EPHA10: variants seen among roughly 807,000 people sequenced by gnomAD.
EPHA10 encodes ephrin type-A receptor 10.
A neutral mutation model predicts 109.7 loss-of-function variants in EPHA10; 120 were observed. That is an observed-to-expected ratio of 1.09 (90% CI 0.94 to 1.27). The LOEUF (loss-of-function observed/expected upper bound fraction) is 1.27, where lower values mean the gene tolerates loss of function less well. Ranked by LOEUF, EPHA10 falls within the 50% of genes most tolerant of loss-of-function variation. The probability of loss-of-function intolerance (pLI) is 0.00; values close to 1 mark genes in which losing one functional copy is unlikely to be tolerated. For synonymous variants in EPHA10, 640 were observed against 618.9 expected (o/e 1.03, Z -0.51); for missense variants, 1,396 against 1,411.1 (o/e 0.99, Z 0.17).
chr1:37,723,600 T>C (rs936928676), intron 8 of EPHA10, among the ~76,000 whole-genome samples: 1 of 152,194 alleles, frequency 6.6e-6, no homozygotes. Context: ...CCACCATCCC[T>C]AGCTACTTTC....
Position 37,764,130 on chromosome 1 carries a change from A to C in EPHA10, c.106+831T>G, listed in dbSNP as rs1646456007. 6.6e-6 allele frequency among the ~76,000 whole-genome samples: 1 copy of C among 152,116 alleles called. No homozygotes were observed. Among genetic ancestry groups the C allele is most frequent in the African/African-American group, 2.4e-5 (1 of 41,438 alleles). ...GAGATTACCCTCTGGAGCTTAAACC[A>C]GGGGGTGGGCCACCAAGGTGAGGGC... is the stretch of plus-strand genomic sequence containing the variant. On this transcript the variant is annotated intron_variant, in intron 1 of 16. Coordinates refer to ENST00000373048, the MANE Select transcript of EPHA10 (RefSeq NM_001099439.2). The surrounding 1 kb of genome is among the most constrained non-coding windows in gnomAD (Gnocchi z 5.8).
rs1176455400 is a variant in EPHA10 at position 37,719,872 on chromosome 1, GT to G, written c.2562+36del. 1.9e-6 allele frequency: 3 copies of G among 1,613,736 alleles called. No individual in the cohort carries two copies. In the South Asian group the frequency reaches 3.3e-5, roughly 18 times the overall value. ...GGAAGCTGGGGCCTGAGCTGAGAGG[GT>G]CAGAAGGCATGCAGCTGGAGCCACG... is the stretch of plus-strand genomic sequence containing the variant. On this transcript the variant is annotated intron_variant, in intron 14 of 16. Transcript: ENST00000373048.
intron 11 of EPHA10, among the ~76,000 whole-genome samples, chr1:37,721,428 A>C (rs1645794459): frequency 8.8e-6 from 1 of 113,478 alleles, no homozygotes; most frequent in Admixed American, 8.6e-5. Context: ...ACTCCATCTC[A>C]AAAAAAAAAA....
In EPHA10 at chr1:37,753,234, G is replaced by A. The variant is rs1380269914; in HGVS notation, c.1007-8C>T. 13 of 1,310,166 alleles carry A rather than the reference G, an allele frequency of 9.9e-6. No individual in the cohort carries two copies. The East Asian group carries it at 3.8e-4, about 38-fold the overall frequency. 81.2% of individuals were successfully genotyped at this position (1,310,166 alleles called of 1,614,324 possible). On this transcript the variant is annotated splice_region_variant and splice_polypyrimidine_tract_variant and intron_variant, in intron 4 of 16. Transcript: ENST00000373048. ...GCGGCGCCGACGGCGGCCCTGAGGC[G>A]GCACAGGGGCGGGGCGGTCAGGGCG...
intron 5 of EPHA10, among the ~76,000 whole-genome samples, chr1:37,752,290 C>T (rs2148363743): frequency 6.6e-6 from 1 of 152,270 alleles, no homozygotes; most frequent in East Asian, 1.9e-4. Flanking sequence ...TCCATCGCCC[C>T]TACAGCCTAA....
At position 37,753,168 on chromosome 1, in the gene EPHA10, C is replaced by G; in HGVS notation, c.1065G>C (p.Leu355=). 7.1e-7 allele frequency: 1 copy of G among 1,407,230 alleles called. No homozygotes were observed. Among genetic ancestry groups the G allele is most frequent in the South Asian group, 1.5e-5 (1 of 67,144 alleles). 87.2% of individuals were successfully genotyped at this position (1,407,230 alleles called of 1,614,324 possible). The change falls in exon 5 of 17, where the codon CTG becomes CTC. Residue 355 remains leucine (L), a synonymous_variant. Coordinates refer to ENST00000373048, the MANE Select transcript of EPHA10 (RefSeq NM_001099439.2). ...QYSLSRSPLV[L]RLRWLPPADS... ...CGGCCGGCGGCAGCCAGCGCAGTCG[C>G]AGCACCAGCGGCGAGCGGCTCAGGC...
intron 16 of EPHA10, 21 bp from the exon 17 acceptor site, chr1:37,718,507 A>G: frequency 6.2e-7 from 1 of 1,612,850 alleles, no homozygotes; most frequent in South Asian, 1.1e-5. Context: ...GGCTGGTCAC[A>G]CTCGGCTGGC....
Position 37,754,656 on chromosome 1 carries a change from A to G in EPHA10, c.851-286T>C, listed in dbSNP as rs1050901713. 4.0e-5 allele frequency among the ~76,000 whole-genome samples: 6 copies of G among 151,852 alleles called. No homozygotes were observed. The highest frequency in any genetic ancestry group is 1.5e-4 in the African/African-American group (6 of 41,302). Reference sequence around the variant, plus strand: ...CTTTGGAAGGCCAAAGCTGGAGATCACTTGAGCCCAGGAGTTGGAGACCAG... The same window carrying G: ...CTTTGGAAGGCCAAAGCTGGAGATCGCTTGAGCCCAGGAGTTGGAGACCAG... On this transcript the variant is annotated intron_variant, in intron 3 of 16. Coordinates refer to ENST00000373048, the MANE Select transcript of EPHA10 (RefSeq NM_001099439.2). This position sits in a 1 kb window ranked among gnomAD's most constrained non-coding sequence, Gnocchi z 4.5.
In EPHA10 at chr1:37,721,819, A is replaced by G. The variant is rs775823628; in HGVS notation, c.1987T>C (p.Cys663Arg). 1.2e-6 allele frequency: 2 copies of G among 1,608,332 alleles called. No homozygotes were observed. The highest frequency in any genetic ancestry group is 2.2e-5 in the East Asian group (1 of 44,748). The change falls in exon 11 of 17, where the codon TGC becomes CGC. Residue 663 changes from cysteine (C) to arginine (R), a missense_variant. Transcript: ENST00000373048. ...TCCTGGCGACCGGGGAGCTGCAAGCAGCCACAGCACAGCTCCCCAAACCGC... is the reference window on the plus strand; with the variant it reads ...TCCTGGCGACCGGGGAGCTGCAAGCGGCCACAGCACAGCTCCCCAAACCGC... Reference protein sequence around the residue: ...GGRFGELCCGCLQLPGRQELL... With the variant: ...GGRFGELCCGRLQLPGRQELL...
intron 8 of EPHA10, among the ~76,000 whole-genome samples, chr1:37,726,393 T>C (rs1193629827): frequency 4.6e-5 from 7 of 152,162 alleles, no homozygotes; most frequent in Non-Finnish European, 1.0e-4. Flanking sequence ...TGAATGCCCA[T>C]TGTCGTTCCA....
chr1:37,744,038 A>C (rs2148349782), intron 5 of EPHA10, among the ~76,000 whole-genome samples: 1 of 152,314 alleles, frequency 6.6e-6, no homozygotes, highest in East Asian at 1.9e-4. Context: ...CGTAAAGACA[A>C]ACAAAATAAA....
chr1:37,753,017 G>C lies in EPHA10; in HGVS notation c.1216C>G (p.Arg406Gly). ...TGCAGCAGCGTGGCGGCTCGCTCCC[G>C]CAGCCCTGCCTGGCGCGGTAGGAAG... ...VAFLPRQAGL[R>G]ERAATLLHLR... Residue 406 changes from arginine to glycine, a missense_variant, in exon 5 of 17, where the codon CGG becomes GGG. Physicochemically the swap from Arg to Gly is moderately radical, Grantham distance 125 (BLOSUM62 -2). Transcript: ENST00000373048. The C allele has an allele frequency of 8.1e-7, 1 of 1,229,552 alleles. No individual in the cohort carries two copies. Among genetic ancestry groups the C allele is most frequent in the South Asian group, 3.0e-5 (1 of 32,794 alleles). The allele number at this position is 1,229,552 out of a possible 1,614,324, so 76.2% of individuals were successfully genotyped here.
At position 37,727,185 on chromosome 1, in the gene EPHA10, G is replaced by A. The variant is rs2148322778; in HGVS notation, c.1689C>T (p.Ser563=). 1 of 1,610,894 alleles carries A rather than the reference G, an allele frequency of 6.2e-7. No homozygotes were observed. The highest frequency in any genetic ancestry group is 8.5e-7 in the Non-Finnish European group (1 of 1,178,296). ...GEAASGSRDQ[S]PAIVVTVVTI... ...TCACTACGGTGACGACAATGGCGGG[G>A]CTCTGGTCCCTGGACCCTGAGGCAG... Residue 563 remains serine, a synonymous_variant, in exon 8 of 17, where the codon AGC becomes AGT. Coordinates refer to ENST00000373048, the MANE Select transcript of EPHA10 (RefSeq NM_001099439.2).
chr1:37,748,978 A>G (rs954957438), intron 5 of EPHA10, among the ~76,000 whole-genome samples: 10 of 131,104 alleles, frequency 7.6e-5, no homozygotes, highest in African/African-American at 3.0e-4. Context: ...GCTGGAGTGC[A>G]GTGGCACGAT....
intron 3 of EPHA10, among the ~76,000 whole-genome samples, chr1:37,758,538 C>G (rs999637185): frequency 3.9e-5 from 6 of 152,208 alleles, no homozygotes; most frequent in African/African-American, 1.4e-4. Flanking sequence ...TGACTGCTTC[C>G]CAACTCTGTA....
chr1:37,738,550 C>A (rs145128176), intron 5 of EPHA10, among the ~76,000 whole-genome samples: 13 of 152,240 alleles, frequency 8.5e-5, no homozygotes, highest in Non-Finnish European at 1.8e-4. Context: ...AACCCTTGTA[C>A]ACCATTGTGT....
rs1208567802 is a variant in EPHA10 at position 37,762,786 on chromosome 1, C to G, written c.170G>C (p.Gly57Ala). The change falls in exon 2 of 17, where the codon GGG (glycine) becomes GCG (alanine). Residue 57 changes from glycine (G) to alanine (A), a missense_variant and splice_region_variant. Physicochemically the swap from Gly to Ala is moderately conservative, Grantham distance 60 (BLOSUM62 0). Transcript: ENST00000373048. ...ELGWTALPSN[G>A]WEEISGVDEH... is the part of the protein sequence containing the mutation. ...AGGGAGGGACACTTGTGCACTTACC[C>G]CATTACTTGGCAGTGCAGTCCAGCC... The G allele has an allele frequency of 6.4e-7, 1 of 1,552,394 alleles. No homozygotes were observed. The highest frequency in any genetic ancestry group is 1.4e-5 in the African/African-American group (1 of 73,154).
intron 5 of EPHA10, among the ~76,000 whole-genome samples, chr1:37,743,835 A>G (rs1488337425): frequency 6.6e-6 from 1 of 152,214 alleles, no homozygotes; most frequent in African/African-American, 2.4e-5. Flanking sequence ...TTCAACTTAT[A>G]ATAAGCCCAA....
rs1557560788 is a variant in EPHA10 at position 37,761,582 on chromosome 1, C to T, written c.673G>A (p.Ala225Thr). 6.3e-7 allele frequency: 1 copy of T among 1,598,730 alleles called. No individual in the cohort carries two copies. The highest frequency in any genetic ancestry group is 8.5e-7 in the Non-Finnish European group (1 of 1,176,946). ...AGTGTGGAGAAGGCGCTCTCGGCTG[C>T]GGTGGCTGGGAACGTGGCCAGGCCC... ...VRGLATFPATAAESAFSTLVE... is the reference protein window; with the variant it reads ...VRGLATFPATTAESAFSTLVE... The change falls in exon 3 of 17, where the codon GCA (alanine) becomes ACA (threonine). Residue 225 changes from alanine (A) to threonine (T), a missense_variant. By Grantham distance (58) the Ala-to-Thr change is moderately conservative. Coordinates refer to ENST00000373048, the MANE Select transcript of EPHA10 (RefSeq NM_001099439.2).
Sources: allele counts gnomAD v4.1 joint callset (sites outside exome capture counted in the v4.1 genomes callset), GRCh38; gene constraint gnomAD v4.1.1; non-coding constraint Gnocchi (gnomAD v3.1); transcripts MANE v1.5; gene names NCBI Gene and HGNC (gene_info 2026-07-23, HGNC 2026-07-21).